Variants in ADAMTSL1 observed in about 807,000 individuals in gnomAD.
ADAMTSL1 encodes the protein ADAMTS-like protein 1.
Under a neutral mutation model 201.8 loss-of-function variants are expected in ADAMTSL1, and 126 were observed. That is an observed-to-expected ratio of 0.62 (90% confidence interval 0.54 to 0.72). ADAMTSL1 has a LOEUF of 0.72. Among genes scored for constraint, ADAMTSL1 ranks in the 30% least tolerant of loss-of-function variants. The probability of loss-of-function intolerance (pLI) is 0.00; values close to 1 mark genes in which losing one functional copy is unlikely to be tolerated. For missense variants in ADAMTSL1, 2,679 were observed against 2,277.8 expected (o/e 1.18, Z -3.59); for synonymous variants, 1,121 against 903.4 (o/e 1.24, Z -4.32).
At chr9:18,251,785 C>A (rs190659749) in intron 2 of ADAMTSL1, among the ~76,000 whole-genome samples, 34 of 152,172 alleles carry the variant, frequency 2.2e-4, no homozygotes, top group African/African-American at 7.5e-4. Context: ...GATATTGGTG[C>A]AACACAGTAA....
intron 1 of ADAMTSL1, among the ~76,000 whole-genome samples, chr9:17,933,374 C>T (rs1294004030): frequency 3.3e-5 from 5 of 152,104 alleles, no homozygotes; most frequent in East Asian, 1.9e-4. Flanking sequence ...ATAATCTCCT[C>T]ATCTGAAATT....
intron 1 of ADAMTSL1, among the ~76,000 whole-genome samples, chr9:18,074,550 T>C (rs2131745103): frequency 9.8e-6 from 1 of 102,218 alleles, no homozygotes; most frequent in East Asian, 2.5e-4. Context: ...TCTTCTTTTC[T>C]CTTCTCTTTT....
chr9:18,504,386 T>C (rs747491618), intron 1 of ADAMTSL1, among the ~76,000 whole-genome samples: 1 of 152,196 alleles, frequency 6.6e-6, no homozygotes, highest in African/African-American at 2.4e-5. Context: ...AAATTGTCGA[T>C]GGTATAAAAT....
At chr9:18,334,369 G>A (rs1022897208) in intron 2 of ADAMTSL1, among the ~76,000 whole-genome samples, 1 of 152,132 alleles carries the variant, frequency 6.6e-6, no homozygotes, top group Non-Finnish European at 1.5e-5. Flanking sequence ...GCATATACAC[G>A]TGTGCACATA....
intron 2 of ADAMTSL1, among the ~76,000 whole-genome samples, chr9:18,226,204 A>G (rs548477267): frequency 5.3e-5 from 8 of 152,266 alleles, no homozygotes; most frequent in African/African-American, 1.4e-4. Context: ...CAAAAAATAC[A>G]TACATTTATT....
chr9:18,330,800 A>C (rs115762254), intron 2 of ADAMTSL1, among the ~76,000 whole-genome samples: 1 of 152,196 alleles, frequency 6.6e-6, no homozygotes, highest in Non-Finnish European at 1.5e-5. Context: ...GTTGGGGATT[A>C]TATTTTACAA....
chr9:18,198,392 G>A (rs1829281893), intron 2 of ADAMTSL1, among the ~76,000 whole-genome samples: 1 of 146,064 alleles, frequency 6.8e-6, no homozygotes, highest in African/African-American at 2.5e-5. Context: ...AATCTACAAT[G>A]AACTCCAACA....
intron 4 of ADAMTSL1, chr9:18,574,646 A>G (rs771590772): frequency 1.9e-5 from 6 of 315,296 alleles, no homozygotes; most frequent in South Asian, 1.1e-4. Context: ...TCATTGACTC[A>G]GTTTCAGAAT....
At position 18,829,870 on chromosome 9, in the gene ADAMTSL1, A is replaced by T; in HGVS notation, c.4142A>T (p.Glu1381Val). ...LDPPQVPTQL[E>V]DIRALLAATG... ...CCCCCCCAAGTCCCCACACAGTTGG[A>T]AGACATCAGGGCCTTGCTCGCTGCC... The change falls in exon 23 of 29, where the codon GAA (glutamate) becomes GTA (valine). Residue 1381 changes from glutamate (E) to valine (V), a missense_variant. Coordinates refer to ENST00000380548, the MANE Select transcript of ADAMTSL1 (RefSeq NM_001040272.6). The T allele has an allele frequency of 6.2e-7, 1 of 1,613,942 alleles. No individual in the cohort carries two copies. The highest frequency in any genetic ancestry group is 1.1e-5 in the South Asian group (1 of 91,078).
intron 1 of ADAMTSL1, among the ~76,000 whole-genome samples, chr9:18,024,645 TTTTC>T (rs1252589927): frequency 2.6e-5 from 4 of 152,176 alleles, no homozygotes; most frequent in Non-Finnish European, 5.9e-5. Context: ...ATGTTCCACA[TTTTC>T]TTTGTCTAGT....
chr9:18,312,517 A>G (rs1284545630), intron 2 of ADAMTSL1, among the ~76,000 whole-genome samples: 1 of 152,192 alleles, frequency 6.6e-6, no homozygotes, highest in Non-Finnish European at 1.5e-5. Flanking sequence ...TTTGCCTGGT[A>G]GTGGTATGGA....
chr9:18,512,405 G>A (rs970239546), intron 2 of ADAMTSL1, among the ~76,000 whole-genome samples: 1 of 151,812 alleles, frequency 6.6e-6, no homozygotes, highest in Admixed American at 6.6e-5. Flanking sequence ...GCCATATCAG[G>A]AATCTGTAAC....
At chr9:18,279,870 C>A (rs150866246) in intron 2 of ADAMTSL1, among the ~76,000 whole-genome samples, 1 of 151,774 alleles carries the variant, frequency 6.6e-6, no homozygotes, top group African/African-American at 2.4e-5. Flanking sequence ...GCCTGGATCC[C>A]GGGGCCACCA....
At chr9:18,401,625 T>G (rs539998449) in intron 2 of ADAMTSL1, among the ~76,000 whole-genome samples, 9 of 152,218 alleles carry the variant, frequency 5.9e-5, no homozygotes, top group Non-Finnish European at 1.3e-4. Flanking sequence ...CCACCCTTGG[T>G]TAATGGTTGC....
At chr9:18,235,700 C>T (rs796221655) in intron 2 of ADAMTSL1, among the ~76,000 whole-genome samples, 114 of 152,300 alleles carry the variant, frequency 7.5e-4, no homozygotes, top group African/African-American at 2.5e-3. Flanking sequence ...CACAGTTACA[C>T]AGCTTTTGAC....
chr9:17,996,142 C>T (rs976838597), intron 1 of ADAMTSL1, among the ~76,000 whole-genome samples: 6 of 150,658 alleles, frequency 4.0e-5, no homozygotes, highest in East Asian at 2.0e-4. Flanking sequence ...TCCTAACTTA[C>T]CAGTGTTCAA....
At chr9:17,976,708 C>G (rs1818464684) in intron 1 of ADAMTSL1, among the ~76,000 whole-genome samples, 1 of 151,342 alleles carries the variant, frequency 6.6e-6, no homozygotes, top group Non-Finnish European at 1.5e-5. Flanking sequence ...CGCTCTCTCT[C>G]TCTCCCTCCC....
intron 1 of ADAMTSL1, among the ~76,000 whole-genome samples, chr9:18,122,278 C>T (rs1447789395): frequency 6.6e-6 from 1 of 152,168 alleles, no homozygotes; most frequent in Non-Finnish European, 1.5e-5. Context: ...ATATCCATGA[C>T]TCATGAATAG....
chr9:18,748,659 C>G (rs1457237457), intron 15 of ADAMTSL1, among the ~76,000 whole-genome samples: 1 of 152,166 alleles, frequency 6.6e-6, no homozygotes, highest in Non-Finnish European at 1.5e-5. Context: ...AGCCATGTGA[C>G]TAATCCAGAA....
Sources: gnomAD v4.1 joint callset for allele counts (sites outside exome capture counted in the v4.1 genomes callset) on GRCh38, gnomAD v4.1.1 for gene constraint, MANE v1.5 for transcripts, NCBI Gene and HGNC (gene_info 2026-07-23, HGNC 2026-07-21) for gene names.